KIF15: variants seen among roughly 807,000 people sequenced by gnomAD.
KIF15 encodes the protein kinesin family member 15.
A neutral mutation model predicts 190.6 loss-of-function variants in KIF15; 140 were observed. That is an observed-to-expected ratio of 0.73 (90% CI 0.64 to 0.84). The LOEUF (loss-of-function observed/expected upper bound fraction) is 0.84. KIF15 is among the 40% of genes least tolerant of loss of function. KIF15 has a pLI of 0.00. For missense variants in KIF15, 1,372 were observed against 1,584.4 expected, an observed-to-expected ratio of 0.87 and a Z score of 2.28; for synonymous variants, 528 against 551.3, an observed-to-expected ratio of 0.96 and a Z score of 0.59.
intron 26 of KIF15, among the ~76,000 whole-genome samples, chr3:44,837,672 GA>G (rs1698393732): frequency 6.6e-6 from 1 of 151,928 alleles, no homozygotes; most frequent in African/African-American, 2.4e-5. Flanking sequence ...ATTTGGAAAG[GA>G]AAAGAAGGAT....
Position 44,851,827 on chromosome 3 carries a change from G to A in KIF15, c.3847G>A (p.Glu1283Lys), listed in dbSNP as rs1424153240. 1 of 1,613,748 alleles carries A rather than the reference G, an allele frequency of 6.2e-7. No homozygotes were observed. The highest frequency in any genetic ancestry group is 2.2e-5 in the East Asian group (1 of 44,880). The change falls in exon 33 of 35, where the codon GAA becomes AAA. Residue 1283 changes from glutamate (E) to lysine (K), a missense_variant. Glu to Lys is a moderately conservative substitution (Grantham distance 56). Transcript: ENST00000326047. ...AAGTGCCCTTTACAACAAAGAGATG[G>A]AATGCCTTAGAATGACTGATGAAGT... ...VQSALYNKEM[E>K]CLRMTDEVER...
At chr3:44,858,267 C>T (rs772694153) in intron 6 of KIF15, among the ~76,000 whole-genome samples, 3 of 152,166 alleles carry the variant, frequency 2.0e-5, no homozygotes, top group Admixed American at 6.5e-5. Context: ...GTTGATAAGG[C>T]GCAGATCCTG....
chr3:44,801,584 G>A, intron 12 of KIF15, 58 bp downstream of exon 12: 1 of 1,152,168 alleles, frequency 8.7e-7, no homozygotes, highest in South Asian at 1.3e-5. Flanking sequence ...TTGCTGTGTG[G>A]TTTTTATTGC....
At position 44,780,930 on chromosome 3, in the gene KIF15, A is replaced by C. The variant is rs1706132589; in HGVS notation, c.361+8A>C. 6.3e-7 allele frequency: 1 copy of C among 1,594,934 alleles called. No individual in the cohort carries two copies. Among genetic ancestry groups the C allele is most frequent in the African/African-American group, 1.3e-5 (1 of 74,528 alleles). ...AGACATTTACTATGATGGGTAAGTA[A>C]AGATTAACTTTTGTTGGCTTAATCT... On this transcript the variant is annotated splice_region_variant and intron_variant, in intron 5 of 34. Coordinates refer to ENST00000326047, the MANE Select transcript of KIF15 (RefSeq NM_020242.3).
chr3:44,763,053 G>A (rs1265257167), intron 1 of KIF15, among the ~76,000 whole-genome samples: 1 of 152,178 alleles, frequency 6.6e-6, no homozygotes, highest in East Asian at 1.9e-4. Context: ...GCTCTTGTCT[G>A]AAAACCAAAT....
At chr3:44,817,424 G>A (rs544456698) in intron 20 of KIF15, among the ~76,000 whole-genome samples, 177 of 152,268 alleles carry the variant, frequency 1.2e-3, no homozygotes, top group African/African-American at 3.7e-3. Flanking sequence ...TGTATAAAGT[G>A]TAAGGAAGGG....
chr3:44,842,386 T>C (rs1002384333), intron 29 of KIF15, among the ~76,000 whole-genome samples: 1 of 152,156 alleles, frequency 6.6e-6, no homozygotes, highest in Non-Finnish European at 1.5e-5. Flanking sequence ...GGGAAGGATG[T>C]GATGCTCCAC....
intron 30 of KIF15, among the ~76,000 whole-genome samples, chr3:44,844,361 TA>T (rs1163998507): frequency 6.6e-6 from 1 of 152,194 alleles, no homozygotes; most frequent in Non-Finnish European, 1.5e-5. Context: ...TTCTGCATTT[TA>T]AAAAAGCACG....
chr3:44,862,390 C>T (rs1266881107), intron 6 of KIF15: 1 of 154,634 alleles, frequency 6.5e-6, no homozygotes, highest in Non-Finnish European at 1.4e-5. Context: ...GAGGCCTCTT[C>T]CCTTACCAGG....
In KIF15 at chr3:44,813,102, A is replaced by G. The variant is rs115788635; in HGVS notation, c.2305A>G (p.Thr769Ala). 868 of 1,592,836 alleles carry G rather than the reference A, an allele frequency of 5.4e-4. 4 individuals carry two copies. In the African/African-American group the frequency reaches 0.01, roughly 19 times the overall value. ...TTTCTCATCAGAAAGAATTGATTGG[A>G]CCAAACAGCAGGAAGAGCTTCTCTC... Reference protein sequence around the residue: ...ELFSSERIDWTKQQEELLSQL... With the variant: ...ELFSSERIDWAKQQEELLSQL... The change falls in exon 19 of 35, where the codon ACC becomes GCC. Residue 769 changes from threonine (T) to alanine (A), a missense_variant. Physicochemically the swap from Thr to Ala is moderately conservative, Grantham distance 58 (BLOSUM62 0). Transcript: ENST00000326047.
chr3:44,794,499 C>T, intron 8 of KIF15, 73 bp downstream of exon 8: 2 of 1,109,224 alleles, frequency 1.8e-6, no homozygotes, highest in Non-Finnish European at 2.6e-6. Flanking sequence ...TGATGCATGA[C>T]AGTGTCTCAG....
chr3:44,762,841 C>G (rs748025558), intron 1 of KIF15, among the ~76,000 whole-genome samples: 5 of 152,024 alleles, frequency 3.3e-5, no homozygotes, highest in Non-Finnish European at 5.9e-5. Flanking sequence ...TCATCATTTT[C>G]AGTATTCAAG....
chr3:44,861,851 G>A (rs776796729), intron 6 of KIF15: 137 of 1,434,484 alleles, frequency 9.6e-5, no homozygotes, highest in Middle Eastern at 3.6e-4. Flanking sequence ...CGCGTCACGT[G>A]AGGCTGCCAT....
intron 19 of KIF15, among the ~76,000 whole-genome samples, chr3:44,813,472 C>T (rs1707887736): frequency 6.6e-6 from 1 of 152,146 alleles, no homozygotes; most frequent in African/African-American, 2.4e-5. Context: ...GGCAGGAGTC[C>T]AGTGGCATGA....
At chr3:44,779,067 T>C (rs982940517) in intron 4 of KIF15, among the ~76,000 whole-genome samples, 2 of 152,052 alleles carry the variant, frequency 1.3e-5, no homozygotes, top group African/African-American at 4.8e-5. Context: ...GTTATGGATA[T>C]GCATTTATTT....
At chr3:44,862,132 C>T in intron 6 of KIF15, 1 of 425,826 alleles carries the variant, frequency 2.3e-6, no homozygotes, top group Non-Finnish European at 3.1e-6. Context: ...GCCCGGGGCG[C>T]TGTTGGTGCT....
At chr3:44,800,163 A>G in intron 10 of KIF15, 151 bp from the exon 11 acceptor site, 2 of 672,014 alleles carry the variant, frequency 3.0e-6, no homozygotes, top group Middle Eastern at 4.0e-4. Flanking sequence ...CCACTTGAGC[A>G]CACTGTGATT....
intron 16 of KIF15, among the ~76,000 whole-genome samples, chr3:44,807,630 T>G (rs528281949): frequency 6.6e-6 from 1 of 152,288 alleles, no homozygotes; most frequent in South Asian, 2.1e-4. Context: ...TCAATCAATG[T>G]CACCAAGTAT....
chr3:44,800,406 A>G lies in KIF15; in HGVS notation c.1191A>G (p.Gly397=). ...AACAACTGGCGGAGCTTGCTTCAGG[A>G]CAGACACCACCAGAAAGCTTCCTGA... is the stretch of plus-strand genomic sequence containing the variant. The part of the protein sequence containing the change: ...LKEQLAELAS[G]QTPPESFLTR... Residue 397 remains glycine (G), a synonymous_variant, in exon 11 of 35, where the codon GGA becomes GGG. Coordinates refer to ENST00000326047, the MANE Select transcript of KIF15 (RefSeq NM_020242.3). The G allele has an allele frequency of 1.2e-6, 2 of 1,614,186 alleles. No homozygotes were observed. The highest frequency in any genetic ancestry group is 1.7e-6 in the Non-Finnish European group (2 of 1,180,022).
Sources: allele counts gnomAD v4.1 joint callset (sites outside exome capture counted in the v4.1 genomes callset), GRCh38; gene constraint gnomAD v4.1.1; transcripts MANE v1.5; gene names NCBI Gene and HGNC (gene_info 2026-07-23, HGNC 2026-07-21).